Variants in CDH8 observed in about 807,000 individuals in gnomAD.
The protein encoded by CDH8 is cadherin-8.
CDH8 carries 17 observed loss-of-function variants against 68.1 expected under a neutral mutation model. The observed-to-expected ratio is 0.25, with a 90% confidence interval of 0.17 to 0.37. CDH8 has a LOEUF of 0.37. Among genes scored for constraint, CDH8 ranks in the 10% least tolerant of loss-of-function variants. The pLI, the probability that CDH8 is intolerant of heterozygous loss-of-function variation, is 1.00. For missense variants in CDH8, 763 were observed against 999.3 expected (o/e 0.76, Z 3.19); for synonymous variants, 372 against 365.1 (o/e 1.02, Z -0.21).
intron 2 of CDH8, among the ~76,000 whole-genome samples, chr16:62,019,557 G>A (rs1902022095): frequency 6.6e-6 from 1 of 152,138 alleles, no homozygotes; most frequent in African/African-American, 2.4e-5. Context: ...AACACCCTCA[G>A]CAGGGTCTGG....
chr16:61,945,690 G>A (rs9936398), intron 2 of CDH8, among the ~76,000 whole-genome samples: 76,389 of 151,898 alleles, frequency 0.5, 21,624 homozygotes, highest in African/African-American at 0.78. Flanking sequence ...AAAGGCTGAG[G>A]GATTAGCTTC....
chr16:61,778,647 A>G (rs983119347), intron 8 of CDH8, among the ~76,000 whole-genome samples: 3 of 152,190 alleles, frequency 2.0e-5, no homozygotes, highest in Non-Finnish European at 2.9e-5. Flanking sequence ...ACTTGCTAAA[A>G]GACGTAGTAC....
rs1487370623 is a variant in CDH8 at position 61,817,147 on chromosome 16, A to C, written c.1277+332T>G. ...ACAAACAAACAAAAAAAGCACTAAC[A>C]AACAAAAACATAAAAATAACAAGAT... On this transcript the variant is annotated intron_variant, in intron 7 of 11. Coordinates refer to ENST00000577390, the MANE Select transcript of CDH8 (RefSeq NM_001796.5). Among the ~76,000 whole-genome samples, 5 of 152,182 alleles carry C rather than the reference A, an allele frequency of 3.3e-5. No individual in the cohort carries two copies. In the East Asian group the frequency reaches 9.7e-4, roughly 29 times the overall value.
intron 7 of CDH8, among the ~76,000 whole-genome samples, chr16:61,811,895 A>G (rs944746879): frequency 1.3e-5 from 2 of 152,220 alleles, no homozygotes; most frequent in African/African-American, 2.4e-5. Flanking sequence ...GGACTGGGGA[A>G]AAAGAAAATG....
chr16:61,774,459 GAA>G (rs11318433), intron 8 of CDH8, among the ~76,000 whole-genome samples: 2,190 of 123,146 alleles, frequency 0.018, 58 homozygotes, highest in African/African-American at 0.056. Context: ...ATCACTCAGG[GAA>G]AAAAAAAAAA....
At chr16:61,800,059 C>A (rs570143412) in intron 7 of CDH8, among the ~76,000 whole-genome samples, 1 of 152,104 alleles carries the variant, frequency 6.6e-6, no homozygotes, top group Non-Finnish European at 1.5e-5. Flanking sequence ...CGGGTATGCA[C>A]CACCACGCCC....
intron 8 of CDH8, among the ~76,000 whole-genome samples, chr16:61,753,093 A>G (rs1294326240): frequency 6.6e-6 from 1 of 151,642 alleles, no homozygotes; most frequent in East Asian, 1.9e-4. Context: ...TGTGATGAGC[A>G]AGAAGATTTT....
At chr16:61,768,395 C>T (rs5010222) in intron 8 of CDH8, among the ~76,000 whole-genome samples, 559 of 23,316 alleles carry the variant, frequency 0.024, 21 homozygotes, top group Middle Eastern at 0.15. Context: ...TCTCTCTCTC[C>T]CTTTCTCTCT....
rs567358028 is a variant in CDH8 at position 61,858,800 on chromosome 16, A to C, written c.548-1562T>G. Among the ~76,000 whole-genome samples the C allele has an allele frequency of 8.5e-5, 13 of 152,288 alleles. No individual in the cohort carries two copies. The South Asian group carries it at 2.7e-3, about 32-fold the overall frequency. On this transcript the variant is annotated intron_variant, in intron 3 of 11. Coordinates refer to ENST00000577390, the MANE Select transcript of CDH8 (RefSeq NM_001796.5). Reference sequence around the variant, plus strand: ...GAAATGGGCCAAGCTTTTATATTCCAGCAGGAAACAGTTACAGCATGCAAG... The same window carrying C: ...GAAATGGGCCAAGCTTTTATATTCCCGCAGGAAACAGTTACAGCATGCAAG...
intron 3 of CDH8, among the ~76,000 whole-genome samples, chr16:61,900,277 A>C (rs1963945085): frequency 6.6e-6 from 1 of 152,152 alleles, no homozygotes; most frequent in Non-Finnish European, 1.5e-5. Flanking sequence ...ACCTGCTTCA[A>C]AGCTATGTGA....
At chr16:61,682,263 G>T (rs1343994644) in intron 10 of CDH8, among the ~76,000 whole-genome samples, 4 of 151,766 alleles carry the variant, frequency 2.6e-5, no homozygotes, top group Admixed American at 2.6e-4. Flanking sequence ...AGATGCAATG[G>T]GAGTTCATGT....
At chr16:61,932,471 T>C (rs1333417320) in intron 2 of CDH8, among the ~76,000 whole-genome samples, 5 of 152,010 alleles carry the variant, frequency 3.3e-5, no homozygotes, top group Non-Finnish European at 7.4e-5. Flanking sequence ...TAATCTGGAG[T>C]AATGTGATTT....
Position 61,800,783 on chromosome 16 carries a change from T to A in CDH8, c.1278-11301A>T, listed in dbSNP as rs377368068. ...TGCTCTCTTCTTAAAATATGCAATA[T>A]TATGTTTTCCTCTGCAACATTAAGT... is the stretch of plus-strand genomic sequence containing the variant. On this transcript the variant is annotated intron_variant, in intron 7 of 11. Coordinates refer to ENST00000577390, the MANE Select transcript of CDH8 (RefSeq NM_001796.5). 5.3e-5 allele frequency among the ~76,000 whole-genome samples: 8 copies of A among 150,946 alleles called. No homozygotes were observed. The East Asian group carries it at 1.4e-3, about 26-fold the overall frequency.
intron 10 of CDH8, among the ~76,000 whole-genome samples, chr16:61,673,147 G>A (rs1313533357): frequency 6.6e-6 from 1 of 152,094 alleles, no homozygotes; most frequent in Non-Finnish European, 1.5e-5. Flanking sequence ...AGTAGGTGCT[G>A]TTAAATAGCA....
Position 61,652,744 on chromosome 16 carries a change from G to A in CDH8, c.*864C>T. On this transcript the variant is annotated 3_prime_UTR_variant, in exon 12 of 12. Coordinates refer to ENST00000577390, the MANE Select transcript of CDH8 (RefSeq NM_001796.5). Reference sequence around the variant, plus strand: ...GACCTTAATAAATAAAAGCATTAATGGACATCAATAAAATATTTATTTCGA... The same window carrying A: ...GACCTTAATAAATAAAAGCATTAATAGACATCAATAAAATATTTATTTCGA... 7.6e-7 allele frequency: 1 copy of A among 1,313,968 alleles called. No homozygotes were observed. The highest frequency in any genetic ancestry group is 9.7e-7 in the Non-Finnish European group (1 of 1,032,486). The allele number at this position is 1,313,968 out of a possible 1,614,324, so 81.4% of individuals were successfully genotyped here.
chr16:61,860,152 C>T (rs545132684), intron 3 of CDH8, among the ~76,000 whole-genome samples: 36 of 152,100 alleles, frequency 2.4e-4, no homozygotes, highest in Non-Finnish European at 2.4e-4. Context: ...GATTAGGCAC[C>T]TTTATAAAAG....
intron 11 of CDH8, among the ~76,000 whole-genome samples, chr16:61,654,650 A>G (rs150976314): frequency 2.6e-5 from 4 of 152,134 alleles, no homozygotes; most frequent in African/African-American, 4.8e-5. Context: ...GGGAAGAGAA[A>G]CCTGAATGTG....
chr16:61,997,414 C>T (rs954888057), intron 2 of CDH8, among the ~76,000 whole-genome samples: 1 of 152,106 alleles, frequency 6.6e-6, no homozygotes, highest in Non-Finnish European at 1.5e-5. Context: ...TTCTCTTGCT[C>T]CTACCATATT....
chr16:62,032,953 C>A (rs1003117099), intron 1 of CDH8, among the ~76,000 whole-genome samples: 1 of 152,104 alleles, frequency 6.6e-6, no homozygotes, highest in East Asian at 1.9e-4. Flanking sequence ...TGTGCATGTT[C>A]TTTTTCCCCA....
Sources: allele counts gnomAD v4.1 joint callset (sites outside exome capture counted in the v4.1 genomes callset), GRCh38; gene constraint gnomAD v4.1.1; transcripts MANE v1.5; gene names NCBI Gene and HGNC (gene_info 2026-07-23, HGNC 2026-07-21).